The following ZDHHC3 variants were observed in gnomAD, a reference collection of about 807,000 sequenced individuals.
ZDHHC3 encodes zDHHC palmitoyltransferase 3.
In ZDHHC3, 9 loss-of-function variants were observed where a neutral mutation model predicts 30.6. The observed-to-expected ratio is 0.29, with a 90% CI of 0.18 to 0.51. The LOEUF (loss-of-function observed/expected upper bound fraction) is 0.51, where lower values mean the gene tolerates loss of function less well. Among genes scored for constraint, ZDHHC3 ranks in the 20% least tolerant of loss-of-function variants. ZDHHC3 has a pLI of 0.97. For missense variants in ZDHHC3, 246 were observed against 384.2 expected, an observed-to-expected ratio of 0.64 and a Z score of 3.01; for synonymous variants, 136 against 140.2, an observed-to-expected ratio of 0.97 and a Z score of 0.21.
rs1575745476 is a variant in ZDHHC3, at chr3:44,919,045, T to C, written c.*7644A>G. On this transcript the variant is annotated 3_prime_UTR_variant, in exon 7 of 7. Transcript: ENST00000424952. ...GACTCAAGAAAGATCTCTGTGTATC[T>C]AGCACTTTTTCTTCCCACGCCATTT... 2.0e-5 allele frequency: 20 copies of C among 985,468 alleles called. No homozygotes were observed. The highest frequency in any genetic ancestry group is 2.0e-5 in the Non-Finnish European group (17 of 829,924). 61.0% of individuals were successfully genotyped at this position (985,468 alleles called of 1,614,324 possible).
intron 3 of ZDHHC3, among the ~76,000 whole-genome samples, chr3:44,941,172 G>A (rs577751286): frequency 8.9e-4 from 135 of 152,292 alleles, no homozygotes; most frequent in African/African-American, 3.1e-3. Context: ...TAGGAAAATA[G>A]TAAGAAAACA....
chr3:44,967,094 GA>G (rs951598077), intron 1 of ZDHHC3, among the ~76,000 whole-genome samples: 32 of 144,002 alleles, frequency 2.2e-4, no homozygotes, highest in African/African-American at 5.1e-4. Context: ...AAAACAAATG[GA>G]AAAAAAAAAA....
At chr3:44,963,209 C>T (rs974239516) in intron 1 of ZDHHC3, among the ~76,000 whole-genome samples, 6 of 152,228 alleles carry the variant, frequency 3.9e-5, no homozygotes, top group Non-Finnish European at 7.4e-5. Context: ...CAACGTGGGA[C>T]CAAAGAGTGT....
chr3:44,969,575 T>C (rs534584788), intron 1 of ZDHHC3: 68 of 152,354 alleles, frequency 4.5e-4, no homozygotes, highest in African/African-American at 1.4e-3. Context: ...GGGAGGAGTA[T>C]TGATGTTTCC....
Position 44,917,927 on chromosome 3 carries a change from C to T in ZDHHC3, c.*8762G>A. 1 of 1,304,994 alleles carries T rather than the reference C, an allele frequency of 7.7e-7. No homozygotes were observed. The highest frequency in any genetic ancestry group is 1.2e-5 in the South Asian group (1 of 81,030). 80.8% of individuals were successfully genotyped at this position (1,304,994 alleles called of 1,614,324 possible). A position where few individuals can be genotyped will look rare whatever the true frequency, so the allele number is the denominator to read the frequency against. ...TCTGTCACCTCCACAGAGTCCTCGTCCTTTGTCTCCTCTGATGGATCCTCC... is the reference window on the plus strand; with the variant it reads ...TCTGTCACCTCCACAGAGTCCTCGTTCTTTGTCTCCTCTGATGGATCCTCC... On this transcript the variant is annotated 3_prime_UTR_variant, in exon 7 of 7. Coordinates refer to ENST00000424952, the MANE Select transcript of ZDHHC3 (RefSeq NM_001135179.2).
intron 5 of ZDHHC3, 155 bp downstream of exon 5, chr3:44,932,963 G>T (rs766741385): frequency 8.7e-6 from 14 of 1,614,126 alleles, no homozygotes; most frequent in Non-Finnish European, 1.1e-5. Context: ...TCCAGTCTCT[G>T]CCATTTCTTC....
intron 3 of ZDHHC3, among the ~76,000 whole-genome samples, chr3:44,943,797 G>C (rs937942431): frequency 3.9e-5 from 6 of 152,114 alleles, no homozygotes; most frequent in African/African-American, 1.4e-4. Flanking sequence ...CTTGAGCCCA[G>C]GAGTTCGAGA....
At chr3:44,942,202 C>A (rs780155302) in intron 3 of ZDHHC3, among the ~76,000 whole-genome samples, 1 of 152,218 alleles carries the variant, frequency 6.6e-6, no homozygotes, top group Non-Finnish European at 1.5e-5. Flanking sequence ...CGGGCAAGGT[C>A]GACATCAACT....
At chr3:44,930,099 A>G (rs1701365241) in intron 5 of ZDHHC3, among the ~76,000 whole-genome samples, 1 of 152,222 alleles carries the variant, frequency 6.6e-6, no homozygotes, top group Non-Finnish European at 1.5e-5. Flanking sequence ...GCATGGGCCC[A>G]GAGTAGGCAC....
At position 44,918,213 on chromosome 3, in the gene ZDHHC3, C is replaced by G. The variant is rs566224209; in HGVS notation, c.*8476G>C. 4.1e-4 allele frequency: 510 copies of G among 1,232,940 alleles called. No individual in the cohort carries two copies. Among genetic ancestry groups the G allele is most frequent in the Admixed American group, 7.0e-4 (26 of 37,326 alleles). The allele number at this position is 1,232,940 out of a possible 1,614,324, so 76.4% of individuals were successfully genotyped here. On this transcript the variant is annotated 3_prime_UTR_variant, in exon 7 of 7. Transcript: ENST00000424952. ...GCTGTACAGCTCACATAGACACCCC[C>G]AGCTATAGCATAGCAGTGGCGGGGG...
At chr3:44,974,735 A>G (rs1386788288) in intron 1 of ZDHHC3, among the ~76,000 whole-genome samples, 1 of 152,194 alleles carries the variant, frequency 6.6e-6, no homozygotes, top group Non-Finnish European at 1.5e-5. Context: ...AGAAACATCT[A>G]ATGTCCAGTC....
rs1365830518 is a variant in ZDHHC3 at position 44,915,968 on chromosome 3, T to A, written c.*10721A>T. 3 of 152,226 alleles carry A rather than the reference T, an allele frequency of 2.0e-5. No individual in the cohort carries two copies. The highest frequency in any genetic ancestry group is 2.9e-5 in the Non-Finnish European group (2 of 68,060). 9.4% of individuals were successfully genotyped at this position (152,226 alleles called of 1,614,324 possible). ...GGTTAGGACAACAAATAGGGGGCCC[T>A]ACAGTCAGAGCAGCTCTTACCCAAA... On this transcript the variant is annotated 3_prime_UTR_variant, in exon 7 of 7. Coordinates refer to ENST00000424952, the MANE Select transcript of ZDHHC3 (RefSeq NM_001135179.2).
chr3:44,960,917 A>G (rs905805351), intron 1 of ZDHHC3, among the ~76,000 whole-genome samples: 2 of 152,270 alleles, frequency 1.3e-5, no homozygotes, highest in Non-Finnish European at 2.9e-5. Context: ...TCTAGAGTCG[A>G]AAGTTGCACA....
intron 1 of ZDHHC3, among the ~76,000 whole-genome samples, chr3:44,969,443 A>G (rs1430550610): frequency 2.0e-5 from 3 of 152,318 alleles, no homozygotes; most frequent in African/African-American, 7.2e-5. Flanking sequence ...CATGCCTACA[A>G]CCATACTTCC....
Position 44,919,776 on chromosome 3 carries a change from G to T in ZDHHC3, c.*6913C>A. 3.0e-6 allele frequency: 2 copies of T among 663,928 alleles called. No homozygotes were observed. The highest frequency in any genetic ancestry group is 3.7e-6 in the Non-Finnish European group (2 of 536,560). The allele number at this position is 663,928 out of a possible 1,614,324, so 41.1% of individuals were successfully genotyped here. A position where few individuals can be genotyped will look rare whatever the true frequency, so the allele number is the denominator to read the frequency against. ...TAAAATGTTTACCTTTGGTGAGACTGACTGAAAGGTACATGGGAACTCTTT... is the reference window on the plus strand; with the variant it reads ...TAAAATGTTTACCTTTGGTGAGACTTACTGAAAGGTACATGGGAACTCTTT... On this transcript the variant is annotated 3_prime_UTR_variant, in exon 7 of 7. Transcript: ENST00000424952.
intron 1 of ZDHHC3, among the ~76,000 whole-genome samples, chr3:44,961,748 T>G (rs1704499015): frequency 6.6e-6 from 1 of 152,250 alleles, no homozygotes; most frequent in African/African-American, 2.4e-5. Context: ...AAGCATTCTT[T>G]TGGTTTTTCC....
In ZDHHC3 at chr3:44,954,803, A is replaced by G. The variant is rs1413855353; in HGVS notation, c.306+4328T>C. On this transcript the variant is annotated intron_variant, in intron 2 of 6. Transcript: ENST00000424952. ...TTTAAGCATCTTCTGGGAGACAGAC[A>G]TTGTCTCAGAAATAAAGAAGCCCCT... Among the ~76,000 whole-genome samples, 6 of 152,234 alleles carry G rather than the reference A, an allele frequency of 3.9e-5. No individual in the cohort carries two copies. In the East Asian group the frequency reaches 5.8e-4, roughly 15 times the overall value.
intron 1 of ZDHHC3, among the ~76,000 whole-genome samples, chr3:44,973,003 A>G (rs892823453): frequency 2.0e-5 from 3 of 152,182 alleles, no homozygotes; most frequent in African/African-American, 7.2e-5. Flanking sequence ...TTAAGCTCTT[A>G]TTCTGCTCAT....
intron 2 of ZDHHC3, among the ~76,000 whole-genome samples, chr3:44,946,577 A>G (rs1702955773): frequency 6.6e-6 from 1 of 152,152 alleles, no homozygotes; most frequent in Non-Finnish European, 1.5e-5. Flanking sequence ...GTGTTGAGGG[A>G]GCACAGAGGA....
Sources: gnomAD v4.1 joint callset for allele counts (sites outside exome capture counted in the v4.1 genomes callset) on GRCh38, gnomAD v4.1.1 for gene constraint, MANE v1.5 for transcripts, NCBI Gene and HGNC (gene_info 2026-07-23, HGNC 2026-07-21) for gene names.